DHDDS: variants seen among roughly 807,000 people sequenced by gnomAD.
DHDDS encodes the protein dehydrodolichyl diphosphate synthase subunit.
Under a neutral mutation model 46.2 loss-of-function variants are expected in DHDDS, and 16 were observed. That is an observed-to-expected ratio of 0.35 (90% CI 0.23 to 0.53). DHDDS has a LOEUF of 0.53. Among genes scored for constraint, DHDDS ranks in the 20% least tolerant of loss-of-function variants. DHDDS has a pLI of 0.94. For synonymous variants in DHDDS, 151 were observed against 163.1 expected, an observed-to-expected ratio of 0.93 and a Z score of 0.56; for missense variants, 340 against 423.7, an observed-to-expected ratio of 0.80 and a Z score of 1.73.
intron 2 of DHDDS, among the ~76,000 whole-genome samples, chr1:26,437,458 A>G (rs1391892283): frequency 6.6e-6 from 1 of 150,548 alleles, no homozygotes; most frequent in African/African-American, 2.4e-5. Flanking sequence ...CCTGGTTAAC[A>G]TAGGGAAACA....
At chr1:26,447,074 C>T (rs749607326) in intron 5 of DHDDS, among the ~76,000 whole-genome samples, 1 of 152,178 alleles carries the variant, frequency 6.6e-6, no homozygotes. Flanking sequence ...CAGTGGCTCA[C>T]GCCTGTCATC....
At chr1:26,457,290 C>A (rs2075378862) in intron 6 of DHDDS, among the ~76,000 whole-genome samples, 1 of 147,552 alleles carries the variant, frequency 6.8e-6, no homozygotes, top group Non-Finnish European at 1.5e-5. Context: ...GAAACCCTGT[C>A]TCTACTAAAA....
At chr1:26,448,193 CTTTTT>C (rs11300095) in intron 6 of DHDDS, 17 of 121,370 alleles carry the variant, frequency 1.4e-4, no homozygotes, top group South Asian at 8.1e-4. Context: ...TTTTTCTTTT[CTTTTT>C]TTTTTTTTTT....
In DHDDS at chr1:26,460,039, C is replaced by A; in HGVS notation, c.660C>A (p.Thr220=). 1 of 1,613,728 alleles carries A rather than the reference C, an allele frequency of 6.2e-7. No homozygotes were observed. Among genetic ancestry groups the A allele is most frequent in the Middle Eastern group, 1.7e-4 (1 of 6,060 alleles). ...VRLSDFLLWQ[T]SHSCLVFQPV... ...ACTCTCCTCCCTACCTTTCCCAGAC[C>A]TCTCACTCCTGCCTGGTGTTCCAAC... is the stretch of plus-strand genomic sequence containing the variant. The change falls in exon 8 of 9, where the codon ACC becomes ACA. Residue 220 remains threonine, a splice_region_variant and synonymous_variant. Coordinates refer to ENST00000236342, the MANE Select transcript of DHDDS (RefSeq NM_205861.3).
intron 6 of DHDDS, among the ~76,000 whole-genome samples, chr1:26,456,667 A>G (rs1468212800): frequency 6.6e-6 from 1 of 152,260 alleles, no homozygotes; most frequent in East Asian, 1.9e-4. Context: ...TACTGGGATT[A>G]CAGGCATGAG....
At chr1:26,455,072 A>T (rs958081025) in intron 6 of DHDDS, 56 of 883,860 alleles carry the variant, frequency 6.3e-5, no homozygotes, top group Middle Eastern at 3.3e-4. Flanking sequence ...TCGTATATGC[A>T]TACCCTTGAT....
intron 2 of DHDDS, among the ~76,000 whole-genome samples, chr1:26,434,973 T>G (rs888314122): frequency 6.6e-6 from 1 of 151,708 alleles, no homozygotes; most frequent in East Asian, 1.9e-4. Flanking sequence ...AAGTAAGTTT[T>G]GTTTGGCTCA....
chr1:26,435,035 A>C (rs1352787856), intron 2 of DHDDS, among the ~76,000 whole-genome samples: 1 of 151,118 alleles, frequency 6.6e-6, no homozygotes, highest in Non-Finnish European at 1.5e-5. Context: ...TTTCAGACAG[A>C]GTCTCACTCT....
At position 26,469,346 on chromosome 1, in the gene DHDDS, A is replaced by T. The variant is rs1170653217; in HGVS notation, c.*215A>T. ...GGATTGAGGGTGAAAGTCTCCCACG[A>T]GTACACTAAACCTAGGTCTGGTCAC... is the stretch of plus-strand genomic sequence containing the variant. On this transcript the variant is annotated 3_prime_UTR_variant, in exon 9 of 9. Coordinates refer to ENST00000236342, the MANE Select transcript of DHDDS (RefSeq NM_205861.3). 1.2e-6 allele frequency: 1 copy of T among 821,826 alleles called. No homozygotes were observed. The highest frequency in any genetic ancestry group is 1.9e-6 in the Non-Finnish European group (1 of 523,224). The allele number at this position is 821,826 out of a possible 1,614,324, so 50.9% of individuals were successfully genotyped here. A position where few individuals can be genotyped will look rare whatever the true frequency, so the allele number is the denominator to read the frequency against.
intron 8 of DHDDS, among the ~76,000 whole-genome samples, chr1:26,467,912 G>C (rs1043407123): frequency 6.6e-6 from 1 of 152,190 alleles, no homozygotes; most frequent in Non-Finnish European, 1.5e-5. Flanking sequence ...CCGCTCTTCT[G>C]TATCAGGAGC....
At chr1:26,440,311 C>T (rs2075205688) in intron 3 of DHDDS, among the ~76,000 whole-genome samples, 1 of 152,172 alleles carries the variant, frequency 6.6e-6, no homozygotes, top group African/African-American at 2.4e-5. Context: ...TTGACTCCAG[C>T]TTCTCTTTTG....
At chr1:26,435,795 A>G (rs1361656785) in intron 2 of DHDDS, among the ~76,000 whole-genome samples, 1 of 151,896 alleles carries the variant, frequency 6.6e-6, no homozygotes, top group Non-Finnish European at 1.5e-5. Flanking sequence ...TTGTATTTTT[A>G]GTAGAGACGG....
At chr1:26,434,733 A>G (rs1570327338) in intron 2 of DHDDS, among the ~76,000 whole-genome samples, 1 of 150,298 alleles carries the variant, frequency 6.7e-6, no homozygotes, top group Admixed American at 6.6e-5. Flanking sequence ...GCTTACTGCA[A>G]CCTCTGTCTC....
chr1:26,434,755 C>T (rs1462043496), intron 2 of DHDDS, among the ~76,000 whole-genome samples: 1 of 151,668 alleles, frequency 6.6e-6, no homozygotes, highest in Non-Finnish European at 1.5e-5. Flanking sequence ...TGGGTTCAAG[C>T]GATTCTCCCA....
Position 26,460,034 on chromosome 1 carries a change from C to T in DHDDS, c.658-3C>T, listed in dbSNP as rs762301661. ...ATCATACTCTCCTCCCTACCTTTCCCAGACCTCTCACTCCTGCCTGGTGTT... is the reference window on the plus strand; with the variant it reads ...ATCATACTCTCCTCCCTACCTTTCCTAGACCTCTCACTCCTGCCTGGTGTT... On this transcript the variant is annotated splice_polypyrimidine_tract_variant and splice_region_variant and intron_variant, in intron 7 of 8. Coordinates refer to ENST00000236342, the MANE Select transcript of DHDDS (RefSeq NM_205861.3). 1 of 1,613,468 alleles carries T rather than the reference C, an allele frequency of 6.2e-7. No homozygotes were observed. Among genetic ancestry groups the T allele is most frequent in the South Asian group, 1.1e-5 (1 of 91,062 alleles).
chr1:26,433,739 T>TC (rs1309997940), intron 2 of DHDDS, among the ~76,000 whole-genome samples: 1 of 151,784 alleles, frequency 6.6e-6, no homozygotes. Flanking sequence ...AAATTCCTGT[T>TC]CTTTTTTTTA....
At chr1:26,439,779 A>G (rs769150989) in intron 3 of DHDDS, among the ~76,000 whole-genome samples, 9 of 152,222 alleles carry the variant, frequency 5.9e-5, no homozygotes, top group Non-Finnish European at 1.2e-4. Context: ...GGTATAATGC[A>G]TGTTATAAAT....
chr1:26,447,291 G>A (rs139218708), intron 5 of DHDDS, among the ~76,000 whole-genome samples: 229 of 152,154 alleles, frequency 1.5e-3, no homozygotes, highest in African/African-American at 5.3e-3. Flanking sequence ...TTGCACTTCA[G>A]CCTGGGCGAC....
chr1:26,442,880 T>C lies in DHDDS; in HGVS notation c.323+7T>C. On this transcript the variant is annotated splice_region_variant and intron_variant, in intron 4 of 8. Coordinates refer to ENST00000236342, the MANE Select transcript of DHDDS (RefSeq NM_205861.3). Reference sequence around the variant, plus strand: ...GCCGCTTGATGGAAGAAAAGTAAGATGCTATCAGAGGGGAGAGCATGTTCT... The same window carrying C: ...GCCGCTTGATGGAAGAAAAGTAAGACGCTATCAGAGGGGAGAGCATGTTCT... 6.2e-7 allele frequency: 1 copy of C among 1,614,084 alleles called. No homozygotes were observed. The highest frequency in any genetic ancestry group is 8.5e-7 in the Non-Finnish European group (1 of 1,179,996).
Sources: gnomAD v4.1 joint callset for allele counts (sites outside exome capture counted in the v4.1 genomes callset) on GRCh38, gnomAD v4.1.1 for gene constraint, MANE v1.5 for transcripts, NCBI Gene and HGNC (gene_info 2026-07-23, HGNC 2026-07-21) for gene names.